RPA3: variants seen among roughly 807,000 people sequenced by gnomAD.
The protein encoded by RPA3 is replication protein A3.
Under a neutral mutation model 13.7 loss-of-function variants are expected in RPA3, and 24 were observed. The observed-to-expected ratio is 1.75, with a 90% confidence interval of 1.27 to 2.46. The LOEUF is 2.46. RPA3 is among the 30% of genes most tolerant of loss of function. RPA3 has a pLI of 0.00. For synonymous variants in RPA3, 59 were observed against 51.2 expected, an observed-to-expected ratio of 1.15 and a Z score of -0.65; for missense variants, 183 against 151.0, an observed-to-expected ratio of 1.21 and a Z score of -1.11.
chr7:7,645,779 A>G (rs1349203660), intron 4 of RPA3, among the ~76,000 whole-genome samples: 1 of 150,410 alleles, frequency 6.6e-6, no homozygotes, highest in Non-Finnish European at 1.5e-5. Flanking sequence ...TCTTTTATAT[A>G]TATTCCTGGA....
At chr7:7,709,944 C>T (rs1306535532) in intron 2 of RPA3, among the ~76,000 whole-genome samples, 1 of 152,022 alleles carries the variant, frequency 6.6e-6, no homozygotes, top group African/African-American at 2.4e-5. Flanking sequence ...TTAAATTCTG[C>T]TTTTTTGGGG....
chr7:7,688,105 T>C (rs540461913), intron 2 of RPA3, among the ~76,000 whole-genome samples: 1 of 152,318 alleles, frequency 6.6e-6, no homozygotes, highest in East Asian at 1.9e-4. Context: ...TCTGGAAACT[T>C]CTGACACTAC....
chr7:7,663,691 G>A (rs1181634795), intron 4 of RPA3, among the ~76,000 whole-genome samples: 1 of 152,172 alleles, frequency 6.6e-6, no homozygotes, highest in East Asian at 1.9e-4. Flanking sequence ...AGAACTCAAA[G>A]CCTCATCACA....
chr7:7,671,709 C>A (rs1218210490), intron 4 of RPA3, among the ~76,000 whole-genome samples: 1 of 151,936 alleles, frequency 6.6e-6, no homozygotes, highest in Non-Finnish European at 1.5e-5. Context: ...GTCTTTTCAT[C>A]CTTTTCTTTT....
At chr7:7,663,392 G>C (rs967321612) in intron 4 of RPA3, among the ~76,000 whole-genome samples, 1 of 152,016 alleles carries the variant, frequency 6.6e-6, no homozygotes, top group Non-Finnish European at 1.5e-5. Context: ...CTGTTCTGTG[G>C]AGCTGAAAAG....
intron 4 of RPA3, among the ~76,000 whole-genome samples, chr7:7,653,783 C>G (rs1785280608): frequency 1.3e-5 from 2 of 152,174 alleles, no homozygotes; most frequent in South Asian, 4.1e-4. Context: ...GCGGTTTTGT[C>G]CCCTAGGAGA....
intron 2 of RPA3, among the ~76,000 whole-genome samples, chr7:7,691,065 C>T (rs180678250): frequency 5.9e-5 from 9 of 152,252 alleles, no homozygotes; most frequent in Non-Finnish European, 1.2e-4. Context: ...ATTTGTGCTC[C>T]ATGTGACCCT....
chr7:7,639,696 C>A (rs1006108606), intron 5 of RPA3, among the ~76,000 whole-genome samples: 1 of 152,206 alleles, frequency 6.6e-6, no homozygotes, highest in Non-Finnish European at 1.5e-5. Flanking sequence ...GTCAGAGCAA[C>A]ACTCATTTAA....
In RPA3 at chr7:7,640,564, A is replaced by C; in HGVS notation, c.-146T>G. 1.4e-6 allele frequency: 1 copy of C among 696,730 alleles called. No individual in the cohort carries two copies. The allele number at this position is 696,730 out of a possible 1,614,324, so 43.2% of individuals were successfully genotyped here. A position where few individuals can be genotyped will look rare whatever the true frequency, so the allele number is the denominator to read the frequency against. On this transcript the variant is annotated 5_prime_UTR_variant, in exon 5 of 8. Transcript: ENST00000223129. ...GCCAATTAAATGCGCGGAAACCTAA[A>C]TCGCAATCGCGCTGTCTCTGAAAGG...
chr7:7,718,233 C>G (rs1227548428), intron 1 of RPA3, among the ~76,000 whole-genome samples: 1 of 152,030 alleles, frequency 6.6e-6, no homozygotes, highest in Non-Finnish European at 1.5e-5. Flanking sequence ...TTTTTATCCC[C>G]AAGGGTATTT....
At chr7:7,681,031 A>G (rs763177559) in intron 4 of RPA3, among the ~76,000 whole-genome samples, 45 of 152,080 alleles carry the variant, frequency 3.0e-4, no homozygotes, top group Non-Finnish European at 5.0e-4. Context: ...AAAAATAAAT[A>G]TATTTTGTTG....
chr7:7,716,331 C>G (rs558012542), intron 1 of RPA3, among the ~76,000 whole-genome samples: 3 of 152,258 alleles, frequency 2.0e-5, no homozygotes, highest in African/African-American at 7.2e-5. Context: ...TACAGGAGCT[C>G]GAAAGAAATT....
At position 7,687,230 on chromosome 7, in the gene RPA3, T is replaced by C. The variant is rs1331394969; in HGVS notation, c.-929A>G. The stretch of plus-strand genomic sequence containing the variant: ...GTGATTTTGAGCAGGCTACTTACCA[T>C]TTCAGCCTCATTTTCCTTTTGTGTG... On this transcript the variant is annotated splice_region_variant and 5_prime_UTR_variant, in exon 3 of 8. The change abolishes an upstream ATG in the 5' untranslated region. Coordinates refer to ENST00000223129, the MANE Select transcript of RPA3 (RefSeq NM_002947.5). 6.6e-6 allele frequency: 1 copy of C among 152,228 alleles called. No homozygotes were observed. Among genetic ancestry groups the C allele is most frequent in the Non-Finnish European group, 1.5e-5 (1 of 68,046 alleles). 9.4% of individuals were successfully genotyped at this position (152,228 alleles called of 1,614,324 possible).
At chr7:7,684,080 T>C (rs1779981581) in intron 4 of RPA3, among the ~76,000 whole-genome samples, 3 of 152,190 alleles carry the variant, frequency 2.0e-5, no homozygotes, top group Non-Finnish European at 4.4e-5. Context: ...TCCCATATAC[T>C]TTAAATCATC....
In RPA3 at chr7:7,706,597, A is replaced by G. The variant is rs182310158; in HGVS notation, c.-1028+8578T>C. Among the ~76,000 whole-genome samples, 426 of 152,294 alleles carry G rather than the reference A, an allele frequency of 2.8e-3. 5 individuals carry two copies. Among genetic ancestry groups the G allele is most frequent in the African/African-American group, 9.6e-3 (398 of 41,576 alleles). On this transcript the variant is annotated intron_variant, in intron 2 of 7. Transcript: ENST00000223129. The stretch of plus-strand genomic sequence containing the variant: ...TACAAAACTTAAGTAACCCATCCAA[A>G]GGCACATACTAGTAGGTAATAATGA...
In RPA3 at chr7:7,656,760, T is replaced by C. The variant is rs147418478; in HGVS notation, c.-757-15585A>G. On this transcript the variant is annotated intron_variant, in intron 4 of 7. Transcript: ENST00000223129. ...GTTCCAAGTCTGCTGTTGTGAACAG[T>C]GCTGCAATAAACATACGTGCGCATG... Among the ~76,000 whole-genome samples the C allele has an allele frequency of 2.2e-3, 337 of 152,324 alleles. 4 individuals are homozygous for C. The highest frequency in any genetic ancestry group is 7.6e-3 in the African/African-American group (315 of 41,574).
intron 4 of RPA3, among the ~76,000 whole-genome samples, chr7:7,645,565 C>T (rs561655104): frequency 7.2e-5 from 11 of 152,276 alleles, no homozygotes; most frequent in African/African-American, 2.6e-4. Flanking sequence ...AGGAGTATTC[C>T]CCGAAGTCCT....
At position 7,692,980 on chromosome 7, in the gene RPA3, T is replaced by C. The variant is rs553468321; in HGVS notation, c.-1027-5652A>G. On this transcript the variant is annotated intron_variant, in intron 2 of 7. Coordinates refer to ENST00000223129, the MANE Select transcript of RPA3 (RefSeq NM_002947.5). ...GTATATTTTATGTGTCTAAAATAGC[T>C]GTAGGAGGAAAAACATTTACCTAAG... 3.9e-5 allele frequency among the ~76,000 whole-genome samples: 6 copies of C among 152,310 alleles called. No homozygotes were observed. The East Asian group carries it at 1.2e-3, about 29-fold the overall frequency.
chr7:7,671,774 G>A (rs1015251249), intron 4 of RPA3, among the ~76,000 whole-genome samples: 2 of 150,656 alleles, frequency 1.3e-5, no homozygotes, highest in Admixed American at 6.6e-5. Flanking sequence ...ATCTCTCCTT[G>A]CTCTCTATAG....
Sources: gnomAD v4.1 joint callset for allele counts (sites outside exome capture counted in the v4.1 genomes callset) on GRCh38, gnomAD v4.1.1 for gene constraint, MANE v1.5 for transcripts, NCBI Gene and HGNC (gene_info 2026-07-23, HGNC 2026-07-21) for gene names.